SUSD4: variants seen among roughly 807,000 people sequenced by gnomAD.
SUSD4 encodes the protein sushi domain containing 4.
A neutral mutation model predicts 50.5 loss-of-function variants in SUSD4; 41 were observed. That is an observed-to-expected ratio of 0.81 (90% CI 0.63 to 1.05). The LOEUF (loss-of-function observed/expected upper bound fraction) is 1.05, where lower values mean the gene tolerates loss of function less well. Among genes scored for constraint, SUSD4 ranks in the 50% least tolerant of loss-of-function variants. SUSD4 has a pLI of 0.00. For missense variants in SUSD4, 580 were observed against 634.7 expected, an observed-to-expected ratio of 0.91 and a Z score of 0.93; for synonymous variants, 257 against 257.3, an observed-to-expected ratio of 1.00 and a Z score of 0.01.
Position 223,221,169 on chromosome 1 carries a change from T to A in SUSD4, c.*1023A>T. The A allele has an allele frequency of 2.5e-6, 1 of 400,646 alleles. No individual in the cohort carries two copies. The highest frequency in any genetic ancestry group is 4.4e-6 in the Non-Finnish European group (1 of 226,182). 24.8% of individuals were successfully genotyped at this position (400,646 alleles called of 1,614,324 possible). On this transcript the variant is annotated 3_prime_UTR_variant, in exon 9 of 9. Coordinates refer to ENST00000366878, the MANE Select transcript of SUSD4 (RefSeq NM_017982.4). ...CAGCCTCCTGGAATCTTAGGACAAA[T>A]AAAAGGGGGAAAAATCCAACCTCAC...
At chr1:223,282,050 A>C (rs1215450137) in intron 3 of SUSD4, among the ~76,000 whole-genome samples, 2 of 152,226 alleles carry the variant, frequency 1.3e-5, no homozygotes, top group African/African-American at 2.4e-5. Flanking sequence ...CCTTCATGCT[A>C]AAAACTCTCA....
chr1:223,228,235 A>T (rs1323707594), intron 6 of SUSD4, among the ~76,000 whole-genome samples: 3 of 152,230 alleles, frequency 2.0e-5, no homozygotes, highest in Non-Finnish European at 2.9e-5. Context: ...ACTGCCTGCC[A>T]GGTCAGGGGC....
At chr1:223,261,052 C>G (rs1662084598) in intron 5 of SUSD4, among the ~76,000 whole-genome samples, 1 of 152,146 alleles carries the variant, frequency 6.6e-6, no homozygotes, top group African/African-American at 2.4e-5. Context: ...GTCATGTCCT[C>G]ATCTGTAAAA....
chr1:223,282,838 T>C (rs541672280), intron 3 of SUSD4, among the ~76,000 whole-genome samples: 1 of 152,286 alleles, frequency 6.6e-6, no homozygotes, highest in Admixed American at 6.5e-5. Context: ...GACTTCAAAC[T>C]ATACTACAAG....
chr1:223,224,478 AAAAAAG>A (rs1173645790), intron 7 of SUSD4, among the ~76,000 whole-genome samples: 2 of 152,334 alleles, frequency 1.3e-5, no homozygotes, highest in African/African-American at 4.8e-5. Flanking sequence ...TCTAGATTTA[AAAAAAG>A]AAAAAGAAAA....
chr1:223,326,079 A>G (rs1186812489), intron 2 of SUSD4, among the ~76,000 whole-genome samples: 1 of 152,190 alleles, frequency 6.6e-6, no homozygotes, highest in Non-Finnish European at 1.5e-5. Flanking sequence ...CTGGAGGCAT[A>G]ACATTACCAG....
chr1:223,222,224 T>C lies in SUSD4; in HGVS notation c.1445-4A>G, dbSNP rs917948563. The C allele has an allele frequency of 1.9e-6, 3 of 1,613,502 alleles. No homozygotes were observed. The African/African-American group carries it at 4.0e-5, about 22-fold the overall frequency. ...TCTTCTTCCATTAGAGGAATCTCTG[T>C]AAAAGAAGAGACGGTTATTAGCTTA... On this transcript the variant is annotated splice_polypyrimidine_tract_variant and splice_region_variant and intron_variant, in intron 8 of 8. Coordinates refer to ENST00000366878, the MANE Select transcript of SUSD4 (RefSeq NM_017982.4).
At chr1:223,331,259 A>G (rs1667154729) in intron 2 of SUSD4, among the ~76,000 whole-genome samples, 1 of 152,208 alleles carries the variant, frequency 6.6e-6, no homozygotes, top group Non-Finnish European at 1.5e-5. Flanking sequence ...CTTAGATTCA[A>G]TTTGGGGGCG....
intron 2 of SUSD4, among the ~76,000 whole-genome samples, chr1:223,354,425 C>T (rs1031364514): frequency 2.0e-5 from 3 of 151,736 alleles, no homozygotes; most frequent in Admixed American, 1.3e-4. Context: ...CCACCATTTA[C>T]AATCCAAGGG....
intron 2 of SUSD4, among the ~76,000 whole-genome samples, chr1:223,313,825 C>T (rs1384332172): frequency 6.6e-6 from 1 of 152,112 alleles, no homozygotes; most frequent in Admixed American, 6.6e-5. Context: ...AATTAGCATG[C>T]TAAAAGACAC....
At chr1:223,313,637 G>A (rs1306152518) in intron 2 of SUSD4, among the ~76,000 whole-genome samples, 1 of 152,060 alleles carries the variant, frequency 6.6e-6, no homozygotes, top group Non-Finnish European at 1.5e-5. Flanking sequence ...ATTCCCAGAA[G>A]GTTACACATT....
intron 2 of SUSD4, among the ~76,000 whole-genome samples, chr1:223,320,958 G>A (rs1666536758): frequency 6.6e-6 from 1 of 152,158 alleles, no homozygotes; most frequent in African/African-American, 2.4e-5. Flanking sequence ...AGTTTCAAAG[G>A]TACTACCCTC....
intron 3 of SUSD4, among the ~76,000 whole-genome samples, chr1:223,277,847 T>C (rs1421900277): frequency 6.6e-6 from 1 of 152,224 alleles, no homozygotes; most frequent in East Asian, 1.9e-4. Context: ...CTAAGGATCT[T>C]TGTCGAACAC....
intron 7 of SUSD4, among the ~76,000 whole-genome samples, chr1:223,223,864 C>T (rs189068850): frequency 1.7e-3 from 259 of 152,358 alleles, no homozygotes; most frequent in Non-Finnish European, 3.0e-3. Context: ...GTCACTCTCT[C>T]GTGTCCTCCT....
intron 3 of SUSD4, chr1:223,289,087 G>A (rs1207103612): frequency 2.0e-6 from 2 of 985,052 alleles, no homozygotes; most frequent in South Asian, 9.4e-5. Context: ...CGGCCAGATG[G>A]TGGCCAGCAC....
At chr1:223,258,522 G>A (rs851198) in intron 5 of SUSD4, among the ~76,000 whole-genome samples, 6,920 of 151,934 alleles carry the variant, frequency 0.046, 531 homozygotes, top group African/African-American at 0.16. Context: ...AATGGGGCTG[G>A]GGGGAGTCAC....
chr1:223,356,796 A>G (rs773897381), intron 2 of SUSD4, among the ~76,000 whole-genome samples: 5 of 152,168 alleles, frequency 3.3e-5, no homozygotes, highest in Admixed American at 6.5e-5. Flanking sequence ...AAATTTAACA[A>G]ACAACAACAA....
intron 2 of SUSD4, among the ~76,000 whole-genome samples, chr1:223,326,275 T>G (rs973301562): frequency 5.3e-5 from 8 of 152,168 alleles, no homozygotes; most frequent in Non-Finnish European, 1.2e-4. Flanking sequence ...TAGTAAATGA[T>G]GCTGGAAAAA....
At chr1:223,333,108 C>T (rs1422702061) in intron 2 of SUSD4, among the ~76,000 whole-genome samples, 3 of 152,100 alleles carry the variant, frequency 2.0e-5, no homozygotes, top group Admixed American at 6.5e-5. Flanking sequence ...AAAAGAAACC[C>T]GCCAATCCAG....
Sources: gnomAD v4.1 joint callset for allele counts (sites outside exome capture counted in the v4.1 genomes callset) on GRCh38, gnomAD v4.1.1 for gene constraint, MANE v1.5 for transcripts, NCBI Gene and HGNC (gene_info 2026-07-23, HGNC 2026-07-21) for gene names.